UBE2D4: variants seen among roughly 807,000 people sequenced by gnomAD.
The protein encoded by UBE2D4 is ubiquitin conjugating enzyme E2 D4, also known as ubiquitin-conjugating enzyme E2 D4.
In UBE2D4, 17 loss-of-function variants were observed where a neutral mutation model predicts 23.0. The ratio of observed to expected loss-of-function variants is 0.74; its 90% CI spans 0.51 to 1.11. The LOEUF (loss-of-function observed/expected upper bound fraction) is 1.11, where lower values mean the gene tolerates loss of function less well. Among genes scored for constraint, UBE2D4 ranks in the 50% least tolerant of loss-of-function variants. UBE2D4 has a pLI of 0.00. For missense variants in UBE2D4, 139 were observed against 181.8 expected, an observed-to-expected ratio of 0.76 and a Z score of 1.35; for synonymous variants, 61 against 69.4, an observed-to-expected ratio of 0.88 and a Z score of 0.60.
rs1387865610 is a variant in UBE2D4 at position 43,944,658 on chromosome 7, AAGGG to A, written c.198+1630_198+1633del. 6.6e-6 allele frequency: 1 copy of A among 152,198 alleles called. No individual in the cohort carries two copies. Among genetic ancestry groups the A allele is most frequent in the Admixed American group, 6.5e-5 (1 of 15,278 alleles). The allele number at this position is 152,198 out of a possible 1,614,324, so 9.4% of individuals were successfully genotyped here. A position where few individuals can be genotyped will look rare whatever the true frequency, so the allele number is the denominator to read the frequency against. On this transcript the variant is annotated intron_variant, in intron 4 of 6. Coordinates refer to ENST00000222402, the MANE Select transcript of UBE2D4 (RefSeq NM_015983.4). This position sits in a 1 kb window ranked among gnomAD's most constrained non-coding sequence, Gnocchi z 4.0. ...CCCAGAGACCTTTTAAGCTTTTAGC[AAGGG>A]AGTGGAGTGTGCTGAGCAGGACAAT... is the stretch of plus-strand genomic sequence containing the variant.
At chr7:43,942,582 T>C in intron 2 of UBE2D4, 1 of 609,950 alleles carries the variant, frequency 1.6e-6, no homozygotes, top group East Asian at 2.8e-5. Context: ...ACCCTCCTGA[T>C]GTTAACCTAT....
rs184614670 is a variant in UBE2D4, at chr7:43,947,943, G to A, written c.199-689G>A. Among the ~76,000 whole-genome samples, 693 of 152,354 alleles carry A rather than the reference G, an allele frequency of 4.5e-3. 3 individuals carry two copies. The highest frequency in any genetic ancestry group is 7.3e-3 in the Non-Finnish European group (500 of 68,032). On this transcript the variant is annotated intron_variant, in intron 4 of 6. Coordinates refer to ENST00000222402, the MANE Select transcript of UBE2D4 (RefSeq NM_015983.4). The stretch of plus-strand genomic sequence containing the variant: ...TTGATTTGCATTTCTCTGATGACCA[G>A]TGATGATGAGCATTTTTTATGTGTC...
chr7:43,943,118 A>G (rs2095977211), intron 4 of UBE2D4, 87 bp downstream of exon 4: 1 of 1,358,378 alleles, frequency 7.4e-7, no homozygotes. Context: ...AGGTAAAAAG[A>G]GCTGTACGTG....
At chr7:43,928,124 G>A in intron 1 of UBE2D4, 1 of 434,024 alleles carries the variant, frequency 2.3e-6, no homozygotes, top group Non-Finnish European at 4.6e-6. Context: ...AAGAGAGGGA[G>A]CAAGAGAGAT....
chr7:43,949,644 C>T (rs1477029927), intron 5 of UBE2D4, among the ~76,000 whole-genome samples: 2 of 152,142 alleles, frequency 1.3e-5, no homozygotes, highest in Admixed American at 6.5e-5. Context: ...TATGGTGAGT[C>T]GAAAGCAAAG....
At chr7:43,926,582 C>T (rs756888623) in intron 1 of UBE2D4, 26 bp downstream of exon 1, 7 of 1,561,438 alleles carry the variant, frequency 4.5e-6, no homozygotes, top group Admixed American at 3.8e-5. Flanking sequence ...CCCTCCAACT[C>T]TTTGGGTGTC....
intron 1 of UBE2D4, among the ~76,000 whole-genome samples, chr7:43,929,164 C>T (rs1198766584): frequency 6.6e-6 from 1 of 152,074 alleles, no homozygotes; most frequent in Admixed American, 6.6e-5. Context: ...GTGGCTCATG[C>T]CTGTAATCAC....
At chr7:43,933,802 A>G (rs993577119) in intron 1 of UBE2D4, among the ~76,000 whole-genome samples, 3 of 152,186 alleles carry the variant, frequency 2.0e-5, no homozygotes, top group Non-Finnish European at 4.4e-5. Flanking sequence ...ATATTCATCT[A>G]CTTCAAGATG....
At chr7:43,941,998 T>C (rs1390477529) in intron 2 of UBE2D4, 1 of 152,184 alleles carries the variant, frequency 6.6e-6, no homozygotes, top group Non-Finnish European at 1.5e-5. Context: ...CCATACCTGA[T>C]AGGAATGTCT....
In UBE2D4 at chr7:43,943,044, T is replaced by C. The variant is rs1239581319; in HGVS notation, c.198+13T>C. The stretch of plus-strand genomic sequence containing the variant: ...CAAGCCCCCAAAGGTGAGGTCCCTC[T>C]CCCAACTCCCCTGATGTTTGGATGA... On this transcript the variant is annotated intron_variant, in intron 4 of 6. Coordinates refer to ENST00000222402, the MANE Select transcript of UBE2D4 (RefSeq NM_015983.4). The C allele has an allele frequency of 1.9e-6, 3 of 1,612,890 alleles. No homozygotes were observed. The highest frequency in any genetic ancestry group is 1.3e-5 in the African/African-American group (1 of 74,876).
chr7:43,953,032 G>C lies in UBE2D4; in HGVS notation c.*337G>C. 2.4e-6 allele frequency: 1 copy of C among 412,996 alleles called. No individual in the cohort carries two copies. The highest frequency in any genetic ancestry group is 1.8e-5 in the South Asian group (1 of 54,998). The allele number at this position is 412,996 out of a possible 1,614,324, so 25.6% of individuals were successfully genotyped here. On this transcript the variant is annotated 3_prime_UTR_variant, in exon 7 of 7. Coordinates refer to ENST00000222402, the MANE Select transcript of UBE2D4 (RefSeq NM_015983.4). The stretch of plus-strand genomic sequence containing the variant: ...ACGTCTCTCCTACCCGGCCTCAAAT[G>C]GTGCTGCTGCCCATGATGGTACCAC...
chr7:43,948,292 A>G (rs547126036), intron 4 of UBE2D4, among the ~76,000 whole-genome samples: 1 of 152,334 alleles, frequency 6.6e-6, no homozygotes, highest in Non-Finnish European at 1.5e-5. Flanking sequence ...TGATACATCA[A>G]CAAAACATCA....
chr7:43,938,471 C>G lies in UBE2D4; in HGVS notation c.65C>G (p.Ser22Cys). 1 of 1,614,124 alleles carries G rather than the reference C, an allele frequency of 6.2e-7. No individual in the cohort carries two copies. Among genetic ancestry groups the G allele is most frequent in the Admixed American group, 1.7e-5 (1 of 60,006 alleles). Residue 22 changes from serine to cysteine, a missense_variant, in exon 2 of 7, where the codon TCT (serine) becomes TGT (cysteine). Ser to Cys is a moderately radical substitution (Grantham distance 112). Coordinates refer to ENST00000222402, the MANE Select transcript of UBE2D4 (RefSeq NM_015983.4). ...CAGAGGGATCCTCCTGCCCAGTGTT[C>G]TGCAGGACCTGTCGGTGATGACTGT... ...DLQRDPPAQC[S>C]AGPVGDDLFH... is the part of the protein sequence containing the mutation.
Position 43,942,827 on chromosome 7 carries a change from G to A in UBE2D4, c.90G>A (p.Leu30=). ...QCSAGPVGDD[L]FHWQATIMGP... ...GCCCGTCTCTCTTTTGTTTTGTAGT[G>A]TTCCACTGGCAGGCCACCATCATGG... The change falls in exon 3 of 7, where the codon TTG becomes TTA. Residue 30 remains leucine, a splice_region_variant and synonymous_variant. Transcript: ENST00000222402. The A allele has an allele frequency of 1.2e-6, 2 of 1,614,184 alleles. No individual in the cohort carries two copies. The highest frequency in any genetic ancestry group is 1.7e-6 in the Non-Finnish European group (2 of 1,180,036).
chr7:43,935,256 A>G (rs1218173897), intron 1 of UBE2D4, among the ~76,000 whole-genome samples: 1 of 152,246 alleles, frequency 6.6e-6, no homozygotes, highest in Admixed American at 6.5e-5. Flanking sequence ...TCAGTTACCT[A>G]GTAAAAGGCA....
intron 5 of UBE2D4, chr7:43,948,958 C>T: frequency 3.7e-6 from 2 of 535,212 alleles, no homozygotes; most frequent in Non-Finnish European, 6.7e-6. Context: ...GTCAATTGCC[C>T]TGGTGTGCTC....
intron 2 of UBE2D4, among the ~76,000 whole-genome samples, chr7:43,938,706 C>T (rs1242520684): frequency 6.6e-6 from 1 of 152,196 alleles, no homozygotes; most frequent in Non-Finnish European, 1.5e-5. Context: ...CATGCTGGCA[C>T]ATGCCTGTAA....
intron 1 of UBE2D4, among the ~76,000 whole-genome samples, chr7:43,936,045 G>A (rs2095957611): frequency 6.6e-6 from 1 of 152,186 alleles, no homozygotes; most frequent in African/African-American, 2.4e-5. Flanking sequence ...GCTAAGTTTT[G>A]TATTTGTAGT....
chr7:43,953,588 T>C lies in UBE2D4; in HGVS notation c.*893T>C, dbSNP rs2132810779. Reference sequence around the variant, plus strand: ...CTAAATGATAATTGACATTTCAGCCTCTTTCTTTTAGGCAAAACAGAAGAT... The same window carrying C: ...CTAAATGATAATTGACATTTCAGCCCCTTTCTTTTAGGCAAAACAGAAGAT... On this transcript the variant is annotated 3_prime_UTR_variant, in exon 7 of 7. Transcript: ENST00000222402. The C allele has an allele frequency of 5.2e-6, 1 of 191,932 alleles. No homozygotes were observed. The highest frequency in any genetic ancestry group is 1.1e-5 in the Non-Finnish European group (1 of 91,100). 11.9% of individuals were successfully genotyped at this position (191,932 alleles called of 1,614,324 possible). A position where few individuals can be genotyped will look rare whatever the true frequency, so the allele number is the denominator to read the frequency against.
Sources: gnomAD v4.1 joint callset for allele counts (sites outside exome capture counted in the v4.1 genomes callset) on GRCh38, gnomAD v4.1.1 for gene constraint, Gnocchi (gnomAD v3.1) non-coding constraint, MANE v1.5 for transcripts, NCBI Gene and HGNC (gene_info 2026-07-23, HGNC 2026-07-21) for gene names.